ERC2: variants seen among roughly 807,000 people sequenced by gnomAD.
ERC2 encodes ELKS/RAB6-interacting/CAST family member 2.
A neutral mutation model predicts 114.8 loss-of-function variants in ERC2; 42 were observed. The ratio of observed to expected loss-of-function variants is 0.37; its 90% CI spans 0.29 to 0.47. ERC2 has a LOEUF of 0.47. Among genes scored for constraint, ERC2 ranks in the 20% least tolerant of loss-of-function variants. The pLI is 0.99. For missense variants in ERC2, 939 were observed against 1,150.7 expected, an observed-to-expected ratio of 0.82 and a Z score of 2.66; for synonymous variants, 454 against 425.5, an observed-to-expected ratio of 1.07 and a Z score of -0.82.
At chr3:56,098,365 A>G (rs1272190731) in intron 6 of ERC2, among the ~76,000 whole-genome samples, 1 of 152,184 alleles carries the variant, frequency 6.6e-6, no homozygotes, top group African/African-American at 2.4e-5. Flanking sequence ...GTGAGGAAAG[A>G]CACTTCTTCC....
intron 14 of ERC2, among the ~76,000 whole-genome samples, chr3:55,860,419 C>T (rs1391178374): frequency 6.6e-6 from 1 of 152,120 alleles, no homozygotes; most frequent in African/African-American, 2.4e-5. Context: ...TTCTGTCCTC[C>T]CTTTTAGTGT....
rs2055833554 is a variant in ERC2 at position 56,300,950 on chromosome 3, A to G, written c.658-4515T>C. On this transcript the variant is annotated intron_variant, in intron 2 of 17. Coordinates refer to ENST00000288221, the MANE Select transcript of ERC2 (RefSeq NM_015576.3). ...ATAACAGAAATAGAAATTCTCAAAA[A>G]TAAGAATTAGCCATCTTGGCTGGGT... Among the ~76,000 whole-genome samples, 2 of 152,178 alleles carry G rather than the reference A, an allele frequency of 1.3e-5. 1 individual carries two copies. The highest frequency in any genetic ancestry group is 4.1e-4 in the South Asian group (2 of 4,828).
intron 14 of ERC2, among the ~76,000 whole-genome samples, chr3:55,881,837 G>T (rs1336090032): frequency 6.6e-6 from 1 of 152,132 alleles, no homozygotes; most frequent in Non-Finnish European, 1.5e-5. Flanking sequence ...AAATGTTTTA[G>T]CAAGAAGTTT....
intron 15 of ERC2, among the ~76,000 whole-genome samples, chr3:55,706,380 T>TTTTGG (rs2063488892): frequency 1.3e-5 from 2 of 151,996 alleles, no homozygotes; most frequent in Non-Finnish European, 2.9e-5. Context: ...GTTTCTGTTT[T>TTTTGG]TTTTTGTTTT....
At chr3:56,022,921 A>C (rs2073817221) in intron 7 of ERC2, among the ~76,000 whole-genome samples, 1 of 152,200 alleles carries the variant, frequency 6.6e-6, no homozygotes, top group South Asian at 2.1e-4. Flanking sequence ...AGCAATAGCT[A>C]TGCCTTCTGG....
intron 3 of ERC2, among the ~76,000 whole-genome samples, chr3:56,178,465 C>T (rs929370399): frequency 6.6e-6 from 1 of 152,122 alleles, no homozygotes; most frequent in Admixed American, 6.6e-5. Context: ...CTTGAAAGTC[C>T]TATAGCACCA....
intron 11 of ERC2, among the ~76,000 whole-genome samples, chr3:55,986,490 C>T (rs945342357): frequency 2.6e-5 from 4 of 152,144 alleles, no homozygotes; most frequent in Non-Finnish European, 5.9e-5. Context: ...TCCTTGAAAA[C>T]CAAAAGGAGC....
chr3:56,008,890 C>A (rs1193774732), intron 9 of ERC2, among the ~76,000 whole-genome samples: 1 of 152,126 alleles, frequency 6.6e-6, no homozygotes, highest in Non-Finnish European at 1.5e-5. Flanking sequence ...GCCTGTTCTG[C>A]GAATTTTGAA....
chr3:55,584,224 G>A (rs1182844597), intron 17 of ERC2, among the ~76,000 whole-genome samples: 1 of 152,102 alleles, frequency 6.6e-6, no homozygotes, highest in Non-Finnish European at 1.5e-5. Flanking sequence ...TTGAAGCCTG[G>A]GCCTGCCCCT....
chr3:55,973,977 T>C (rs1179909027), intron 12 of ERC2, among the ~76,000 whole-genome samples: 3 of 152,118 alleles, frequency 2.0e-5, no homozygotes, highest in Non-Finnish European at 2.9e-5. Flanking sequence ...AAAAGTAAGA[T>C]GTCTATCAGA....
chr3:55,756,659 C>T (rs2067078711), intron 14 of ERC2, among the ~76,000 whole-genome samples: 1 of 152,186 alleles, frequency 6.6e-6, no homozygotes, highest in Admixed American at 6.5e-5. Context: ...TGGCCCAAGC[C>T]ATGAAAAATC....
At chr3:56,202,317 C>T (rs908115752) in intron 3 of ERC2, among the ~76,000 whole-genome samples, 15 of 152,040 alleles carry the variant, frequency 9.9e-5, no homozygotes, top group African/African-American at 2.9e-4. Flanking sequence ...ACATTAAACA[C>T]GTTTATAAAT....
chr3:56,301,115 A>C (rs2055845033), intron 2 of ERC2, among the ~76,000 whole-genome samples: 3 of 152,094 alleles, frequency 2.0e-5, no homozygotes. Flanking sequence ...CATCCTAACC[A>C]GGCTGTTCCT....
intron 16 of ERC2, among the ~76,000 whole-genome samples, chr3:55,691,557 AAAAAAAAAAAAAAAAAAT>A (rs1259602611): frequency 1.5e-3 from 54 of 36,950 alleles, no homozygotes; most frequent in African/African-American, 3.4e-3. Flanking sequence ...AAAAAAAAAA[AAAAAAAAAAAAAAAAAAT>A]ATATATATAT....
At chr3:55,679,233 C>T (rs2061947811) in intron 17 of ERC2, among the ~76,000 whole-genome samples, 1 of 152,184 alleles carries the variant, frequency 6.6e-6, no homozygotes, top group African/African-American at 2.4e-5. Context: ...GTCTTCAAGC[C>T]TCTTCAGCTT....
At chr3:55,705,732 C>T (rs893906842) in intron 15 of ERC2, among the ~76,000 whole-genome samples, 3 of 152,178 alleles carry the variant, frequency 2.0e-5, no homozygotes, top group Non-Finnish European at 4.4e-5. Context: ...GAACAGAACA[C>T]TGGTCGGACT....
chr3:56,365,350 T>A (rs1375035850), intron 2 of ERC2, among the ~76,000 whole-genome samples: 1 of 152,266 alleles, frequency 6.6e-6, no homozygotes, highest in Non-Finnish European at 1.5e-5. Context: ...TAACCTGCTA[T>A]ACAGGTTTGT....
chr3:55,614,148 G>A (rs529484192), intron 17 of ERC2, among the ~76,000 whole-genome samples: 3 of 152,118 alleles, frequency 2.0e-5, no homozygotes, highest in South Asian at 2.1e-4. Context: ...TATATCCTAC[G>A]GATCTACTGG....
At chr3:56,337,720 C>G (rs994467510) in intron 2 of ERC2, among the ~76,000 whole-genome samples, 2 of 152,164 alleles carry the variant, frequency 1.3e-5, no homozygotes, top group African/African-American at 4.8e-5. Context: ...ATACACCTAC[C>G]CACTGCCCCA....
Sources: allele counts gnomAD v4.1 joint callset (sites outside exome capture counted in the v4.1 genomes callset), GRCh38; gene constraint gnomAD v4.1.1; transcripts MANE v1.5; gene names NCBI Gene and HGNC (gene_info 2026-07-23, HGNC 2026-07-21).